SPDEF: variants seen among roughly 807,000 people sequenced by gnomAD.
SPDEF encodes the protein SAM pointed domain containing ETS transcription factor, also known as SAM pointed domain-containing Ets transcription factor.
A neutral mutation model predicts 36.0 loss-of-function variants in SPDEF; 12 were observed. The ratio of observed to expected loss-of-function variants is 0.33; its 90% CI spans 0.21 to 0.54. The LOEUF (loss-of-function observed/expected upper bound fraction) is 0.54, where lower values mean the gene tolerates loss of function less well. Ranked by LOEUF, SPDEF falls within the 20% of genes least tolerant of loss-of-function variation. The pLI is 0.93. For synonymous variants in SPDEF, 205 were observed against 193.0 expected, an observed-to-expected ratio of 1.06 and a Z score of -0.51; for missense variants, 388 against 456.9, an observed-to-expected ratio of 0.85 and a Z score of 1.37.
At chr6:34,542,804 C>T (rs1449890584) in intron 2 of SPDEF, among the ~76,000 whole-genome samples, 2 of 144,480 alleles carry the variant, frequency 1.4e-5, no homozygotes, top group South Asian at 2.2e-4. Context: ...GCAGGAGAAT[C>T]GCTTGAACCC....
At position 34,539,665 on chromosome 6, in the gene SPDEF, G is replaced by T. The variant is rs1024141794; in HGVS notation, c.635-103C>A. ...GTGGGGCCACAGGAGCCCCTCTGTG[G>T]CTGGGGGTTGCCCCTGTGGCTCCCT... On this transcript the variant is annotated intron_variant, in intron 3 of 5. Coordinates refer to ENST00000374037, the MANE Select transcript of SPDEF (RefSeq NM_012391.3). This position sits in a 1 kb window ranked among gnomAD's most constrained non-coding sequence, Gnocchi z 5.2. The T allele has an allele frequency of 4.4e-6, 6 of 1,363,650 alleles. No homozygotes were observed. The highest frequency in any genetic ancestry group is 4.1e-6 in the Non-Finnish European group (4 of 979,286). The allele number at this position is 1,363,650 out of a possible 1,614,324, so 84.5% of individuals were successfully genotyped here.
At chr6:34,549,023 G>A (rs1248414148) in intron 1 of SPDEF, among the ~76,000 whole-genome samples, 4 of 152,220 alleles carry the variant, frequency 2.6e-5, no homozygotes, top group Non-Finnish European at 4.4e-5. Context: ...GTCCTGGGAC[G>A]TGCCAGGTGT....
chr6:34,549,002 G>A (rs865902057), intron 1 of SPDEF, among the ~76,000 whole-genome samples: 4 of 152,214 alleles, frequency 2.6e-5, no homozygotes, highest in Admixed American at 6.5e-5. Context: ...CCACTGCTCC[G>A]TAGGCCAAGG....
intron 1 of SPDEF, among the ~76,000 whole-genome samples, chr6:34,548,541 G>A (rs923874788): frequency 4.6e-5 from 7 of 152,140 alleles, no homozygotes; most frequent in African/African-American, 7.2e-5. Context: ...GCTGGAAGGG[G>A]CCATATATTA....
chr6:34,546,968 C>T (rs982741318), intron 1 of SPDEF, among the ~76,000 whole-genome samples: 2 of 151,892 alleles, frequency 1.3e-5, no homozygotes, highest in African/African-American at 2.4e-5. Context: ...ATGCCCTACC[C>T]GCTAGGTGGC....
At position 34,544,438 on chromosome 6, in the gene SPDEF, C is replaced by A; in HGVS notation, c.18G>T (p.Pro6=). 1 of 1,557,378 alleles carries A rather than the reference C, an allele frequency of 6.4e-7. No homozygotes were observed. The highest frequency in any genetic ancestry group is 2.3e-5 in the East Asian group (1 of 44,008). The part of the protein sequence containing the change: MGSAS[P]GLSSVSPSHL... The stretch of plus-strand genomic sequence containing the variant: ...GGCTGGGGGATACGCTGCTCAGACC[C>A]GGGCTGGCGCTGCCCATGCCGCTGC... Residue 6 remains proline (P), a synonymous_variant, in exon 2 of 6, where the codon CCG becomes CCT. Coordinates refer to ENST00000374037, the MANE Select transcript of SPDEF (RefSeq NM_012391.3). The surrounding 1 kb of genome is among the most constrained non-coding windows in gnomAD (Gnocchi z 4.4).
rs1463552642 is a variant in SPDEF, at chr6:34,544,047, C to T, written c.409G>A (p.Ala137Thr). Reference protein sequence around the residue: ...VGEVLKDIETACKLLNITADP... With the variant: ...VGEVLKDIETTCKLLNITADP... ...GCGGTGATGTTGAGCAGCTTGCAGG[C>T]CGTCTCGATGTCCTTGAGCACTTCG... Residue 137 changes from alanine (A) to threonine (T), a missense_variant, in exon 2 of 6, where the codon GCC (alanine) becomes ACC (threonine). Ala to Thr is a moderately conservative substitution (Grantham distance 58). Around this residue, in one of 2 missense-constraint regions of SPDEF, gnomAD observed 308 missense variants for 326.1 expected, o/e 0.94. Coordinates refer to ENST00000374037, the MANE Select transcript of SPDEF (RefSeq NM_012391.3). The surrounding 1 kb of genome is among the most constrained non-coding windows in gnomAD (Gnocchi z 4.4). The T allele has an allele frequency of 6.2e-7, 1 of 1,611,930 alleles. No individual in the cohort carries two copies. Among genetic ancestry groups the T allele is most frequent in the East Asian group, 2.2e-5 (1 of 44,870 alleles).
chr6:34,554,646 G>A (rs1366574163), intron 1 of SPDEF, among the ~76,000 whole-genome samples: 1 of 152,244 alleles, frequency 6.6e-6, no homozygotes, highest in African/African-American at 2.4e-5. Context: ...CTGTGAGTTT[G>A]GGGTGGTGGG....
At chr6:34,551,904 T>TC (rs544704731) in intron 1 of SPDEF, among the ~76,000 whole-genome samples, 66 of 152,240 alleles carry the variant, frequency 4.3e-4, no homozygotes, top group Middle Eastern at 6.8e-3. Flanking sequence ...GAACCCAGTT[T>TC]CCCACCATAG....
chr6:34,549,448 C>T (rs554239579), intron 1 of SPDEF, among the ~76,000 whole-genome samples: 1 of 152,282 alleles, frequency 6.6e-6, no homozygotes, highest in Non-Finnish European at 1.5e-5. Flanking sequence ...TACTCTCACC[C>T]CTCGGGGCTA....
chr6:34,549,094 G>A (rs1173657920), intron 1 of SPDEF, among the ~76,000 whole-genome samples: 2 of 152,242 alleles, frequency 1.3e-5, no homozygotes, highest in Non-Finnish European at 2.9e-5. Flanking sequence ...TGGCCTGCCA[G>A]TCCCACGGGC....
At chr6:34,548,515 G>A (rs2395595) in intron 1 of SPDEF, among the ~76,000 whole-genome samples, 9,590 of 152,100 alleles carry the variant, frequency 0.063, 637 homozygotes, top group African/African-American at 0.16. Context: ...CCTCCTACCT[G>A]GCCCAGATAA....
intron 3 of SPDEF, among the ~76,000 whole-genome samples, chr6:34,540,709 C>T (rs1312009544): frequency 1.3e-5 from 2 of 152,228 alleles, no homozygotes; most frequent in African/African-American, 4.8e-5. Context: ...TTGTCCCCAG[C>T]TCTGACATCC....
chr6:34,550,359 G>A (rs747824633), intron 1 of SPDEF, among the ~76,000 whole-genome samples: 2 of 152,252 alleles, frequency 1.3e-5, no homozygotes, highest in Non-Finnish European at 2.9e-5. Context: ...CACCACTTCT[G>A]CCCGCTGGAC....
At chr6:34,549,973 G>C (rs1768026084) in intron 1 of SPDEF, among the ~76,000 whole-genome samples, 1 of 152,226 alleles carries the variant, frequency 6.6e-6, no homozygotes, top group Non-Finnish European at 1.5e-5. Context: ...GGAGTCAGGG[G>C]CTGTGGAGGT....
At chr6:34,540,626 T>TAA (rs200047545) in intron 3 of SPDEF, among the ~76,000 whole-genome samples, 18 of 150,374 alleles carry the variant, frequency 1.2e-4, no homozygotes, top group Middle Eastern at 3.5e-3. Flanking sequence ...ACTTCTTTAA[T>TAA]AAAAAAAAAC....
chr6:34,541,358 G>T (rs894124053), intron 2 of SPDEF, among the ~76,000 whole-genome samples, 177 bp from the exon 3 acceptor site: 1 of 152,142 alleles, frequency 6.6e-6, no homozygotes, highest in Admixed American at 6.5e-5. Flanking sequence ...AGAGAGTGGG[G>T]CGAGAGGAAG....
rs143484954 is a variant in SPDEF, at chr6:34,543,230, G to GA, written c.436+789dup. Among the ~76,000 whole-genome samples the GA allele has an allele frequency of 1.6e-4, 20 of 121,276 alleles. No individual in the cohort carries two copies. In the East Asian group the frequency reaches 2.0e-3, roughly 12 times the overall value. 79.6% of individuals were successfully genotyped at this position (121,276 alleles called of 152,430 possible). On this transcript the variant is annotated intron_variant, in intron 2 of 5. Coordinates refer to ENST00000374037, the MANE Select transcript of SPDEF (RefSeq NM_012391.3). ...AAAAAAAAAAAAAAAAGAAGAAAAAGAAAAAAAAAAGAAATGCTTATTATT... is the reference window on the plus strand; with the variant it reads ...AAAAAAAAAAAAAAAAGAAGAAAAAGAAAAAAAAAAAGAAATGCTTATTATT...
In SPDEF at chr6:34,556,277, A is replaced by G. The variant is rs3822984; in HGVS notation, c.-378T>C. ...ACTGGGTCTGTGGGGCAGTGTGGACACGGCAGAGTGCAGGAATGTGCTGGG... is the reference window on the plus strand; with the variant it reads ...ACTGGGTCTGTGGGGCAGTGTGGACGCGGCAGAGTGCAGGAATGTGCTGGG... On this transcript the variant is annotated 5_prime_UTR_variant, in exon 1 of 6. Coordinates refer to ENST00000374037, the MANE Select transcript of SPDEF (RefSeq NM_012391.3). The G allele has an allele frequency of 0.18, 28,159 of 152,442 alleles. 4,248 individuals are homozygous for G. The highest frequency in any genetic ancestry group is 0.41 in the African/African-American group (17,165 of 41,508). 9.4% of individuals were successfully genotyped at this position (152,442 alleles called of 1,614,324 possible). A position where few individuals can be genotyped will look rare whatever the true frequency, so the allele number is the denominator to read the frequency against.
Sources: gnomAD v4.1 joint callset for allele counts (sites outside exome capture counted in the v4.1 genomes callset) on GRCh38, gnomAD v4.1.1 for gene constraint, gnomAD v4.1.1 regional missense constraint, Gnocchi (gnomAD v3.1) non-coding constraint, MANE v1.5 for transcripts, NCBI Gene and HGNC (gene_info 2026-07-23, HGNC 2026-07-21) for gene names.